Variants in TRAPPC9 observed in about 807,000 individuals in gnomAD.
TRAPPC9 encodes the protein trafficking protein particle complex subunit 9.
TRAPPC9 carries 83 observed loss-of-function variants against 124.0 expected under a neutral mutation model. The observed-to-expected ratio is 0.67, with a 90% CI of 0.56 to 0.80. The LOEUF is 0.80. TRAPPC9 is among the 30% of genes least tolerant of loss of function. TRAPPC9 has a pLI of 0.00. For missense variants in TRAPPC9, 1,302 were observed against 1,508.3 expected (o/e 0.86, Z 2.27); for synonymous variants, 638 against 617.5 (o/e 1.03, Z -0.49).
At chr8:140,160,339 A>G (rs2130884949) in intron 17 of TRAPPC9, among the ~76,000 whole-genome samples, 1 of 152,318 alleles carries the variant, frequency 6.6e-6, no homozygotes, top group Non-Finnish European at 1.5e-5. Flanking sequence ...GTAAAGACAC[A>G]TGCACACGTA....
At chr8:140,113,616 G>A (rs546077922) in intron 17 of TRAPPC9, among the ~76,000 whole-genome samples, 49 of 152,314 alleles carry the variant, frequency 3.2e-4, no homozygotes, top group Non-Finnish European at 6.0e-4. Context: ...GGCAGACTCA[G>A]CGGGGACCCT....
chr8:140,209,710 A>G (rs948958636), intron 17 of TRAPPC9, among the ~76,000 whole-genome samples: 3 of 152,166 alleles, frequency 2.0e-5, no homozygotes, highest in African/African-American at 7.2e-5. Flanking sequence ...AACTCCTTAC[A>G]ATAGCCCCGG....
At chr8:140,266,877 A>C (rs1027928645) in intron 15 of TRAPPC9, among the ~76,000 whole-genome samples, 4 of 151,866 alleles carry the variant, frequency 2.6e-5, no homozygotes, top group Admixed American at 1.3e-4. Context: ...ACAAAAAAAA[A>C]CCCACTCATC....
At chr8:140,359,428 A>T (rs530851642) in intron 9 of TRAPPC9, among the ~76,000 whole-genome samples, 98 of 152,324 alleles carry the variant, frequency 6.4e-4, no homozygotes, top group African/African-American at 2.4e-3. Flanking sequence ...GGAGCAGTGT[A>T]AGAAGAGAAG....
At chr8:140,281,425 T>A (rs1052267412) in intron 14 of TRAPPC9, among the ~76,000 whole-genome samples, 3 of 152,238 alleles carry the variant, frequency 2.0e-5, no homozygotes, top group African/African-American at 7.2e-5. Flanking sequence ...AAATAGGTAC[T>A]CAAATCTCTT....
intron 17 of TRAPPC9, among the ~76,000 whole-genome samples, chr8:140,034,641 A>G (rs1373516047): frequency 6.6e-6 from 1 of 152,088 alleles, no homozygotes; most frequent in African/African-American, 2.4e-5. Flanking sequence ...CTTCACAACA[A>G]ATCTCAGAGA....
At chr8:140,177,460 G>A (rs1216033054) in intron 17 of TRAPPC9, among the ~76,000 whole-genome samples, 3 of 152,056 alleles carry the variant, frequency 2.0e-5, no homozygotes, top group Admixed American at 2.0e-4. Context: ...TTATGGATGG[G>A]TCTATTACTA....
chr8:140,327,877 A>G (rs2066781414), intron 9 of TRAPPC9, among the ~76,000 whole-genome samples: 1 of 152,224 alleles, frequency 6.6e-6, no homozygotes, highest in Non-Finnish European at 1.5e-5. Context: ...ACTCAATACC[A>G]CTGAATTTTA....
At chr8:140,424,079 T>C (rs2070335709) in intron 5 of TRAPPC9, among the ~76,000 whole-genome samples, 1 of 152,136 alleles carries the variant, frequency 6.6e-6, no homozygotes, top group Non-Finnish European at 1.5e-5. Flanking sequence ...ACTTTGTAAA[T>C]ATACTAAAAA....
intron 17 of TRAPPC9, among the ~76,000 whole-genome samples, chr8:140,124,103 G>A (rs2061037602): frequency 6.6e-6 from 1 of 152,228 alleles, no homozygotes; most frequent in Non-Finnish European, 1.5e-5. Context: ...CAGTTTACAT[G>A]TGCCCCTGTA....
chr8:139,821,283 G>A (rs925629305), intron 21 of TRAPPC9, among the ~76,000 whole-genome samples: 6 of 152,244 alleles, frequency 3.9e-5, no homozygotes, highest in African/African-American at 4.8e-5. Context: ...TGTTTCATTC[G>A]GTGGATGGCA....
intron 21 of TRAPPC9, among the ~76,000 whole-genome samples, chr8:139,832,960 C>G (rs1387023267): frequency 1.3e-5 from 2 of 152,260 alleles, no homozygotes; most frequent in African/African-American, 2.4e-5. Flanking sequence ...ATTTTTCCAG[C>G]TGATCTCAGA....
intron 17 of TRAPPC9, among the ~76,000 whole-genome samples, chr8:140,033,657 G>GTTTTTTTTTTTTTTTTTTTTT: frequency 2.0e-5 from 1 of 49,304 alleles, no homozygotes; most frequent in Middle Eastern, 0.036. Context: ...TTCATAATGT[G>GTTTTTTTTTTTTTTTTTTTTT]GTTTTTTTTT....
At chr8:140,140,868 A>T (rs555951677) in intron 17 of TRAPPC9, among the ~76,000 whole-genome samples, 2 of 151,974 alleles carry the variant, frequency 1.3e-5, no homozygotes, top group South Asian at 4.2e-4. Context: ...CACCACCCCA[A>T]TGGGCTGCAC....
At chr8:139,767,065 C>T (rs967402074) in intron 21 of TRAPPC9, among the ~76,000 whole-genome samples, 16 of 152,208 alleles carry the variant, frequency 1.1e-4, no homozygotes, top group African/African-American at 3.4e-4. Context: ...CTGCTGAGGA[C>T]GCCAACGAGG....
chr8:140,027,340 A>G (rs1218444926), intron 17 of TRAPPC9, among the ~76,000 whole-genome samples: 1 of 152,248 alleles, frequency 6.6e-6, no homozygotes, highest in Non-Finnish European at 1.5e-5. Context: ...TCATGGAAAT[A>G]AACAAACTCT....
chr8:140,435,217 C>T lies in TRAPPC9; in HGVS notation c.754G>A (p.Ala252Thr). 6 of 1,613,934 alleles carry T rather than the reference C, an allele frequency of 3.7e-6. No homozygotes were observed. Among genetic ancestry groups the T allele is most frequent in the Non-Finnish European group, 5.1e-6 (6 of 1,179,972 alleles). The change falls in exon 4 of 23, where the codon GCT becomes ACT. Residue 252 changes from alanine (A) to threonine (T), a missense_variant. Physicochemically the swap from Ala to Thr is moderately conservative, Grantham distance 58. This residue lies in a region of TRAPPC9 where 657 missense variants were observed against 811.2 expected (regional missense o/e 0.81). Coordinates refer to ENST00000438773, the MANE Select transcript of TRAPPC9 (RefSeq NM_001160372.4). Reference protein sequence around the residue: ...LGAALEGLCSASVIYHYPGGT... With the variant: ...LGAALEGLCSTSVIYHYPGGT... ...CCAGGATAGTGATAGATGACAGAAG[C>T]TGAACACAATCCTTCCAGGGCAGCT...
chr8:140,129,861 A>C (rs1012451859), intron 17 of TRAPPC9, among the ~76,000 whole-genome samples: 1 of 152,252 alleles, frequency 6.6e-6, no homozygotes, highest in African/African-American at 2.4e-5. Flanking sequence ...ACGTGTACGC[A>C]TGCACACGCA....
At chr8:139,833,308 G>GATTCTGCTAAAAGGGGCAGCA (rs1421545205) in intron 21 of TRAPPC9, among the ~76,000 whole-genome samples, 1 of 152,184 alleles carries the variant, frequency 6.6e-6, no homozygotes, top group East Asian at 1.9e-4. Flanking sequence ...TTAGCTTTAA[G>GATTCTGCTAAAAGGGGCAGCA]ATTCTGCTAA....
Sources: gnomAD v4.1 joint callset for allele counts (sites outside exome capture counted in the v4.1 genomes callset) on GRCh38, gnomAD v4.1.1 for gene constraint, gnomAD v4.1.1 regional missense constraint, MANE v1.5 for transcripts, NCBI Gene and HGNC (gene_info 2026-07-23, HGNC 2026-07-21) for gene names.